Variants in ZNF24 observed in about 807,000 individuals in gnomAD.
The protein encoded by ZNF24 is zinc finger protein 24.
Under a neutral mutation model 40.9 loss-of-function variants are expected in ZNF24, and 11 were observed. The observed-to-expected ratio is 0.27, with a 90% CI of 0.17 to 0.45. The LOEUF is 0.45. ZNF24 is among the 20% of genes least tolerant of loss of function. The pLI is 1.00. For missense variants in ZNF24, 293 were observed against 437.7 expected (o/e 0.67, Z 2.95); for synonymous variants, 139 against 154.7 (o/e 0.90, Z 0.75).
intron 1 of ZNF24, among the ~76,000 whole-genome samples, chr18:35,342,296 TAA>T (rs974875298): frequency 1.3e-5 from 2 of 151,630 alleles, no homozygotes; most frequent in African/African-American, 4.9e-5. Flanking sequence ...CACAAAAGAG[TAA>T]AAAAGTTAAA....
rs1041831113 is a variant in ZNF24 at position 35,333,599 on chromosome 18, T to C, written c.*3633A>G. The C allele has an allele frequency of 1.8e-4, 28 of 152,112 alleles. No individual in the cohort carries two copies. Among genetic ancestry groups the C allele is most frequent in the African/African-American group, 6.0e-4 (25 of 41,422 alleles). 9.4% of individuals were successfully genotyped at this position (152,112 alleles called of 1,614,324 possible). A position where few individuals can be genotyped will look rare whatever the true frequency, so the allele number is the denominator to read the frequency against. ...TTAATATTCAAAGAAAAGAAAGAAA[T>C]TTTGCCTACCAGATTGGCAAAAATT... On this transcript the variant is annotated 3_prime_UTR_variant, in exon 4 of 4. Transcript: ENST00000261332.
Position 35,337,376 on chromosome 18 carries a change from C to G in ZNF24, c.963G>C (p.Gly321=). ...TATGGATTCTCTGATGATTAATAAG[C>G]CCCGAATTCTGGCTAAAGGCTTTCC... The part of the protein sequence containing the change: ...ECGKAFSQNS[G]LINHQRIHTG... The change falls in exon 4 of 4, where the codon GGG becomes GGC. Residue 321 remains glycine (G), a synonymous_variant. Coordinates refer to ENST00000261332, the MANE Select transcript of ZNF24 (RefSeq NM_006965.4). 1.9e-6 allele frequency: 3 copies of G among 1,614,002 alleles called. No homozygotes were observed. The highest frequency in any genetic ancestry group is 2.5e-6 in the Non-Finnish European group (3 of 1,179,950).
Position 35,344,361 on chromosome 18 carries a change from G to T in ZNF24, c.-85C>A, listed in dbSNP as rs1370816073. On this transcript the variant is annotated splice_region_variant and 5_prime_UTR_variant, in exon 1 of 4. Transcript: ENST00000261332. ...CCTCTCATAACGTTCCCCGCACACC[G>T]GCGCAAACCTCCGGCTCAGGAACCG... The T allele has an allele frequency of 6.6e-6, 1 of 152,338 alleles. No individual in the cohort carries two copies. Among genetic ancestry groups the T allele is most frequent in the Non-Finnish European group, 1.5e-5 (1 of 68,144 alleles). 9.4% of individuals were successfully genotyped at this position (152,338 alleles called of 1,614,324 possible). A position where few individuals can be genotyped will look rare whatever the true frequency, so the allele number is the denominator to read the frequency against.
intron 3 of ZNF24, 54 bp downstream of exon 3, chr18:35,339,774 CA>C: frequency 6.8e-7 from 1 of 1,467,988 alleles, no homozygotes; most frequent in South Asian, 1.5e-5. Context: ...AAGTTCTGAA[CA>C]AAAGGCCTAT....
Position 35,337,609 on chromosome 18 carries a change from TTCTC to T in ZNF24, c.726_729del (p.Arg243IlefsTer120). 6.2e-7 allele frequency: 1 copy of T among 1,614,172 alleles called. No homozygotes were observed. The highest frequency in any genetic ancestry group is 8.5e-7 in the Non-Finnish European group (1 of 1,179,996). ...ATATGTTGTTTCTTTCGAGAGGGAT[TTCTC>T]TTTCTTTCAAACCTGCCCTTGGGGA... On this transcript the variant is annotated frameshift_variant, in exon 4 of 4. Transcript: ENST00000261332. LOFTEE classifies it high-confidence loss of function.
chr18:35,338,224 C>T, intron 3 of ZNF24: 5 of 986,054 alleles, frequency 5.1e-6, no homozygotes, highest in Non-Finnish European at 6.0e-6. Context: ...GTGGCTATTT[C>T]TGAAATGAAC....
chr18:35,341,224 G>A (rs1352948885), intron 1 of ZNF24, among the ~76,000 whole-genome samples: 1 of 152,126 alleles, frequency 6.6e-6, no homozygotes, highest in African/African-American at 2.4e-5. Flanking sequence ...GGTCAATGAA[G>A]GACCACCTAG....
intron 1 of ZNF24, among the ~76,000 whole-genome samples, chr18:35,342,841 C>T (rs1027145846): frequency 1.3e-5 from 2 of 152,144 alleles, no homozygotes; most frequent in African/African-American, 4.8e-5. Flanking sequence ...ACTATATGGC[C>T]GCTTACAGAA....
intron 1 of ZNF24, among the ~76,000 whole-genome samples, chr18:35,341,966 G>A (rs2044972528): frequency 6.6e-6 from 1 of 152,208 alleles, no homozygotes; most frequent in African/African-American, 2.4e-5. Context: ...GGGAGGCTGA[G>A]GCAGGCAGAT....
intron 3 of ZNF24, chr18:35,338,943 T>C (rs1598686377): frequency 1.3e-6 from 2 of 1,486,218 alleles, no homozygotes; most frequent in East Asian, 2.5e-5. Context: ...AAACTGCAGA[T>C]TTTCAGCAGA....
In ZNF24 at chr18:35,337,350, G is replaced by A. The variant is rs1380493164; in HGVS notation, c.989C>T (p.Thr330Ile). 1 of 1,613,836 alleles carries A rather than the reference G, an allele frequency of 6.2e-7. No individual in the cohort carries two copies. Among genetic ancestry groups the A allele is most frequent in the Admixed American group, 1.7e-5 (1 of 60,014 alleles). ...AACGCATTCATAAGGTTTCTCCCCAGTATGGATTCTCTGATGATTAATAAG... is the reference window on the plus strand; with the variant it reads ...AACGCATTCATAAGGTTTCTCCCCAATATGGATTCTCTGATGATTAATAAG... The part of the protein sequence containing the change: ...SGLINHQRIH[T>I]GEKPYECVQC... Residue 330 changes from threonine (T) to isoleucine (I), a missense_variant, in exon 4 of 4, where the codon ACT (threonine) becomes ATT (isoleucine). Transcript: ENST00000261332.
chr18:35,339,643 A>C (rs900246246), intron 3 of ZNF24, among the ~76,000 whole-genome samples, 186 bp downstream of exon 3: 5 of 152,198 alleles, frequency 3.3e-5, no homozygotes, highest in African/African-American at 1.2e-4. Flanking sequence ...AGGGAAGAAA[A>C]GGCTGAAGAT....
At chr18:35,338,971 A>G in intron 3 of ZNF24, 1 of 1,519,252 alleles carries the variant, frequency 6.6e-7, no homozygotes, top group Non-Finnish European at 8.8e-7. Flanking sequence ...CCCACCCCAA[A>G]AGTTGACTGG....
intron 3 of ZNF24, chr18:35,338,401 C>G (rs1414147605): frequency 1.0e-6 from 1 of 985,240 alleles, no homozygotes; most frequent in African/African-American, 1.7e-5. Flanking sequence ...GCAGCTTCTC[C>G]CATGTGGTAT....
chr18:35,341,765 TC>T (rs546873724), intron 1 of ZNF24, among the ~76,000 whole-genome samples: 60 of 152,216 alleles, frequency 3.9e-4, no homozygotes, highest in African/African-American at 1.3e-3. Flanking sequence ...ACACCTGTAA[TC>T]CCAGCACTAT....
chr18:35,339,045 C>A (rs1271024114), intron 3 of ZNF24: 9 of 1,536,010 alleles, frequency 5.9e-6, no homozygotes, highest in Non-Finnish European at 7.8e-6. Context: ...CATACCAGCA[C>A]CATCTCCAAC....
chr18:35,342,191 T>C (rs1489517378), intron 1 of ZNF24, among the ~76,000 whole-genome samples: 1 of 148,642 alleles, frequency 6.7e-6, no homozygotes, highest in Non-Finnish European at 1.5e-5. Flanking sequence ...CGAGACTCTG[T>C]CTATAAAAAA....
intron 1 of ZNF24, among the ~76,000 whole-genome samples, 175 bp downstream of exon 1, chr18:35,344,185 T>TA (rs2044996030): frequency 6.6e-6 from 1 of 152,122 alleles, no homozygotes; most frequent in Admixed American, 6.5e-5. Context: ...CAAGCAGGCC[T>TA]GCCGCCTACC....
intron 3 of ZNF24, chr18:35,338,730 G>C (rs1346080533): frequency 1.7e-6 from 2 of 1,179,962 alleles, no homozygotes; most frequent in African/African-American, 1.6e-5. Flanking sequence ...AAACAGAGGA[G>C]CGTGAAGATT....
Sources: allele counts gnomAD v4.1 joint callset (sites outside exome capture counted in the v4.1 genomes callset), GRCh38; gene constraint gnomAD v4.1.1; transcripts MANE v1.5; gene names NCBI Gene and HGNC (gene_info 2026-07-23, HGNC 2026-07-21).